The following SRCAP variants were observed in gnomAD, a reference collection of about 807,000 sequenced individuals.
SRCAP encodes the protein Snf2 related CREBBP activator protein.
A neutral mutation model predicts 263.1 loss-of-function variants in SRCAP; 46 were observed. That is an observed-to-expected ratio of 0.17 (90% CI 0.14 to 0.22). SRCAP has a LOEUF of 0.22. Among genes scored for constraint, SRCAP ranks in the 10% least tolerant of loss-of-function variants. The probability of loss-of-function intolerance (pLI) is 1.00; values close to 1 mark genes in which losing one functional copy is unlikely to be tolerated. For missense variants in SRCAP, 3,695 were observed against 4,181.9 expected, an observed-to-expected ratio of 0.88 and a Z score of 3.21; for synonymous variants, 1,813 against 1,662.1, an observed-to-expected ratio of 1.09 and a Z score of -2.21.
At position 30,723,402 on chromosome 16, in the gene SRCAP, T is replaced by C. The variant is rs537590463; in HGVS notation, c.4159+173T>C. On this transcript the variant is annotated intron_variant, in intron 24 of 33. Coordinates refer to ENST00000262518, the MANE Select transcript of SRCAP (RefSeq NM_006662.3). ...CCCTGACCTAATTTCAAGATCTATT[T>C]GCTGGAATCTTGGAGGGGAAGAAAA... is the stretch of plus-strand genomic sequence containing the variant. Among the ~76,000 whole-genome samples the C allele has an allele frequency of 7.2e-5, 11 of 152,322 alleles. No homozygotes were observed. In the East Asian group the frequency reaches 2.1e-3, roughly 29 times the overall value.
At chr16:30,705,860 A>G (rs1430893452) in intron 4 of SRCAP, among the ~76,000 whole-genome samples, 1 of 151,822 alleles carries the variant, frequency 6.6e-6, no homozygotes, top group East Asian at 1.9e-4. Context: ...GCTCGCCACT[A>G]TGCCTGGCTA....
Position 30,720,926 on chromosome 16 carries a change from T to C in SRCAP, c.3201T>C (p.Pro1067=), listed in dbSNP as rs140807165. ...GPPLIPASRP[P]GPVLLPPLQP... is the part of the protein sequence containing the mutation. ...CGCTTATTCCTGCATCTCGGCCTCCTGGCCCTGTCCTCTTGCCTCCACTGC... is the reference window on the plus strand; with the variant it reads ...CGCTTATTCCTGCATCTCGGCCTCCCGGCCCTGTCCTCTTGCCTCCACTGC... The change falls in exon 20 of 34, where the codon CCT becomes CCC. Residue 1067 remains proline (P), a synonymous_variant. Transcript: ENST00000262518. 2 of 1,613,898 alleles carry C rather than the reference T, an allele frequency of 1.2e-6. No homozygotes were observed. The highest frequency in any genetic ancestry group is 1.3e-5 in the African/African-American group (1 of 75,058).
intron 16 of SRCAP, among the ~76,000 whole-genome samples, chr16:30,714,502 C>A (rs1481988442): frequency 4.8e-5 from 1 of 20,620 alleles, no homozygotes; most frequent in Non-Finnish European, 1.4e-4. Context: ...AGCCACCGTG[C>A]CGGGCTTTTT....
Position 30,700,635 on chromosome 16 carries a change from A to C in SRCAP, c.-190A>C, listed in dbSNP as rs938903362. The C allele has an allele frequency of 1.2e-4, 55 of 447,570 alleles. No homozygotes were observed. The highest frequency in any genetic ancestry group is 1.6e-4 in the Non-Finnish European group (41 of 250,210). 27.7% of individuals were successfully genotyped at this position (447,570 alleles called of 1,614,324 possible). Reference sequence around the variant, plus strand: ...CTTTAGGTGCTCCAGAGGCTGGTGGACCTGAGCGGAGGCTGGGACGCCCTG... The same window carrying C: ...CTTTAGGTGCTCCAGAGGCTGGTGGCCCTGAGCGGAGGCTGGGACGCCCTG... On this transcript the variant is annotated 5_prime_UTR_variant, in exon 3 of 34. Transcript: ENST00000262518.
intron 25 of SRCAP, among the ~76,000 whole-genome samples, chr16:30,727,488 G>C (rs2053074732): frequency 1.3e-5 from 2 of 152,264 alleles, no homozygotes; most frequent in South Asian, 4.1e-4. Context: ...CTGGGCTTAA[G>C]TGAACCTCCC....
chr16:30,704,080 T>C lies in SRCAP; in HGVS notation c.71T>C (p.Met24Thr). The change falls in exon 4 of 34, where the codon ATG (methionine) becomes ACG (threonine). Residue 24 changes from methionine to threonine, a missense_variant. Physicochemically the swap from Met to Thr is moderately conservative, Grantham distance 81. Around this residue, in one of 12 missense-constraint regions of SRCAP, gnomAD observed 122 missense variants for 116.9 expected, o/e 1.04. Transcript: ENST00000262518. ...CTTTTCTAGATGGTGTCGGACGGCATGACAGGCAGCAATCCTGTGTCCCCT... is the reference window on the plus strand; with the variant it reads ...CTTTTCTAGATGGTGTCGGACGGCACGACAGGCAGCAATCCTGTGTCCCCT... ...VLQTQMVSDG[M>T]TGSNPVSPAS... 4.3e-6 allele frequency: 7 copies of C among 1,613,494 alleles called. No individual in the cohort carries two copies. The highest frequency in any genetic ancestry group is 5.1e-6 in the Non-Finnish European group (6 of 1,179,574).
intron 4 of SRCAP, among the ~76,000 whole-genome samples, chr16:30,704,653 T>G (rs1378661310): frequency 6.6e-6 from 1 of 151,576 alleles, no homozygotes; most frequent in Non-Finnish European, 1.5e-5. Context: ...GACTGGGCAA[T>G]GTGGTAAAAC....
intron 25 of SRCAP, among the ~76,000 whole-genome samples, chr16:30,727,170 G>C (rs1299116616): frequency 6.6e-6 from 1 of 152,022 alleles, no homozygotes; most frequent in African/African-American, 2.4e-5. Flanking sequence ...CATCCTGCTG[G>C]GTGTGAAGTA....
intron 18 of SRCAP, among the ~76,000 whole-genome samples, chr16:30,717,031 T>G (rs1478179022): frequency 6.6e-6 from 1 of 152,242 alleles, no homozygotes; most frequent in Non-Finnish European, 1.5e-5. Context: ...CTCCACTGTT[T>G]TCCATAGTAG....
chr16:30,714,324 A>G (rs1052439312), intron 16 of SRCAP, among the ~76,000 whole-genome samples: 1 of 150,736 alleles, frequency 6.6e-6, no homozygotes, highest in South Asian at 2.1e-4. Flanking sequence ...TCGGCCTCCC[A>G]AAGTGCTGGG....
chr16:30,708,168 T>A (rs1195691272), intron 6 of SRCAP, among the ~76,000 whole-genome samples: 1 of 152,194 alleles, frequency 6.6e-6, no homozygotes, highest in Non-Finnish European at 1.5e-5. Context: ...TTTATGCTGC[T>A]GGGAATGCTT....
In SRCAP at chr16:30,700,209, G is replaced by C. The variant is rs577717539; in HGVS notation, c.-210+228G>C. ...CCAGGAAGAGTAGCAGGTTTTCCTT[G>C]GTTTTGGCATCAGACTGTGGATTGA... is the stretch of plus-strand genomic sequence containing the variant. On this transcript the variant is annotated intron_variant, in intron 2 of 33. Coordinates refer to ENST00000262518, the MANE Select transcript of SRCAP (RefSeq NM_006662.3). 5.3e-5 allele frequency among the ~76,000 whole-genome samples: 8 copies of C among 152,310 alleles called. No individual in the cohort carries two copies. The South Asian group carries it at 1.7e-3, about 32-fold the overall frequency.
intron 3 of SRCAP, among the ~76,000 whole-genome samples, chr16:30,702,755 G>A (rs1226030000): frequency 2.0e-5 from 3 of 150,470 alleles, no homozygotes; most frequent in Non-Finnish European, 3.0e-5. Flanking sequence ...ACAGGCTCAC[G>A]CCACCACACG....
rs151062043 is a variant in SRCAP at position 30,716,161 on chromosome 16, G to A, written c.2589G>A (p.Lys863=). The A allele has an allele frequency of 5.4e-4, 871 of 1,614,212 alleles. 7 individuals carry two copies. The African/African-American group carries it at 0.01, about 19-fold the overall frequency. The change falls in exon 17 of 34, where the codon AAG becomes AAA. Residue 863 remains lysine (K), a synonymous_variant. Transcript: ENST00000262518. Reference sequence around the variant, plus strand: ...ATGTTATCCGCTGCAGGCTCTCCAAGCGTCAACGCTGTCTCTATGATGACT... The same window carrying A: ...ATGTTATCCGCTGCAGGCTCTCCAAACGTCAACGCTGTCTCTATGATGACT... ...YEHVIRCRLS[K]RQRCLYDDFM...
At chr16:30,714,430 C>T (rs1403379303) in intron 16 of SRCAP, among the ~76,000 whole-genome samples, 7 of 151,666 alleles carry the variant, frequency 4.6e-5, no homozygotes, top group Non-Finnish European at 7.4e-5. Context: ...AGGATGGTCT[C>T]GATCTCCTGA....
rs760500624 is a variant in SRCAP, at chr16:30,739,642, A to G, written c.9602A>G (p.Asn3201Ser). ...CCCCGCCGGCTTGTTGGGACCACCA[A>G]CCAAGGGGACCAGCGCATCCTGCGC... The part of the protein sequence containing the change: ...PGPRRLVGTT[N>S]QGDQRILRSS... The change falls in exon 34 of 34, where the codon AAC (asparagine) becomes AGC (serine). Residue 3201 changes from asparagine (N) to serine (S), a missense_variant. By Grantham distance (46) the Asn-to-Ser change is conservative. This residue lies in a region of SRCAP where 1,207 missense variants were observed against 1,142.9 expected (regional missense o/e 1.06). Coordinates refer to ENST00000262518, the MANE Select transcript of SRCAP (RefSeq NM_006662.3). The G allele has an allele frequency of 2.1e-5, 33 of 1,589,964 alleles. No homozygotes were observed. Among genetic ancestry groups the G allele is most frequent in the Admixed American group, 3.6e-5 (2 of 56,242 alleles).
chr16:30,737,541 C>T lies in SRCAP; in HGVS notation c.7501C>T (p.Pro2501Ser). The change falls in exon 34 of 34, where the codon CCT becomes TCT. Residue 2501 changes from proline (P) to serine (S), a missense_variant. Coordinates refer to ENST00000262518, the MANE Select transcript of SRCAP (RefSeq NM_006662.3). ...TCCTTGTTCTTCTCCTGCCTGCACCCCTCCTCCTGCCTGTACCCCTCCACC... is the reference window on the plus strand; with the variant it reads ...TCCTTGTTCTTCTCCTGCCTGCACCTCTCCTCCTGCCTGTACCCCTCCACC... ...IPPCSSPACTPPPACTPPPAH... is the reference protein window; with the variant it reads ...IPPCSSPACTSPPACTPPPAH... 1.2e-6 allele frequency: 2 copies of T among 1,610,990 alleles called. No individual in the cohort carries two copies. Among genetic ancestry groups the T allele is most frequent in the East Asian group, 4.5e-5 (2 of 44,862 alleles).
intron 6 of SRCAP, among the ~76,000 whole-genome samples, chr16:30,708,355 C>T (rs1031970972): frequency 3.9e-5 from 6 of 152,038 alleles, no homozygotes; most frequent in East Asian, 1.9e-4. Context: ...ACTACAGGCG[C>T]GTGCTACCAC....
At chr16:30,704,451 G>T in intron 4 of SRCAP, 136 bp downstream of exon 4, 8 of 1,040,694 alleles carry the variant, frequency 7.7e-6, no homozygotes, top group African/African-American at 1.6e-5. Flanking sequence ...GTATATGATC[G>T]TGAGCAAACT....
Sources: gnomAD v4.1 joint callset for allele counts (sites outside exome capture counted in the v4.1 genomes callset) on GRCh38, gnomAD v4.1.1 for gene constraint, gnomAD v4.1.1 regional missense constraint, MANE v1.5 for transcripts, NCBI Gene and HGNC (gene_info 2026-07-23, HGNC 2026-07-21) for gene names.